The following FOXK2 variants were observed in gnomAD, a reference collection of about 807,000 sequenced individuals.
FOXK2 encodes forkhead box K2, also known as forkhead box protein K2.
Under a neutral mutation model 53.3 loss-of-function variants are expected in FOXK2, and 24 were observed. That is an observed-to-expected ratio of 0.45 (90% CI 0.33 to 0.63). The LOEUF is 0.63. FOXK2 is among the 30% of genes least tolerant of loss of function. The pLI is 0.03. For missense variants in FOXK2, 952 were observed against 910.5 expected (o/e 1.05, Z -0.59); for synonymous variants, 505 against 407.1 (o/e 1.24, Z -2.89).
chr17:82,575,904 G>A (rs1369983249), intron 4 of FOXK2, among the ~76,000 whole-genome samples: 1 of 147,314 alleles, frequency 6.8e-6, no homozygotes. Context: ...TCATCCACAC[G>A]TCCACACCAG....
At chr17:82,534,265 G>C (rs998765453) in intron 1 of FOXK2, among the ~76,000 whole-genome samples, 2 of 152,068 alleles carry the variant, frequency 1.3e-5, no homozygotes, top group East Asian at 3.9e-4. Flanking sequence ...AGAAAAGATG[G>C]CTGATATGTA....
intron 1 of FOXK2, among the ~76,000 whole-genome samples, chr17:82,539,805 A>G (rs2044557589): frequency 6.6e-6 from 1 of 150,952 alleles, no homozygotes; most frequent in South Asian, 2.1e-4. Flanking sequence ...TCTCCGTTAA[A>G]AATACAAAAA....
chr17:82,564,178 C>G (rs2044829361), intron 2 of FOXK2, among the ~76,000 whole-genome samples: 1 of 149,430 alleles, frequency 6.7e-6, no homozygotes, highest in Non-Finnish European at 1.5e-5. Context: ...ACCTCTGCCT[C>G]CCAGGTTCAA....
chr17:82,583,694 C>T (rs1377707510), intron 5 of FOXK2, among the ~76,000 whole-genome samples: 2 of 152,172 alleles, frequency 1.3e-5, no homozygotes, highest in Non-Finnish European at 2.9e-5. Context: ...TCTTAAATGC[C>T]CACGGACCTG....
chr17:82,542,141 T>C (rs1304491795), intron 1 of FOXK2, among the ~76,000 whole-genome samples: 1 of 148,156 alleles, frequency 6.7e-6, no homozygotes, highest in Non-Finnish European at 1.5e-5. Context: ...TCAGCCTCCC[T>C]CCACAAATTT....
chr17:82,570,496 A>G (rs1422114717), intron 3 of FOXK2, among the ~76,000 whole-genome samples: 1 of 152,120 alleles, frequency 6.6e-6, no homozygotes, highest in Non-Finnish European at 1.5e-5. Flanking sequence ...GTGTCCCCAG[A>G]AAAGAAAAGA....
chr17:82,559,114 G>A (rs901107779), intron 1 of FOXK2, among the ~76,000 whole-genome samples: 1 of 152,024 alleles, frequency 6.6e-6, no homozygotes, highest in African/African-American at 2.4e-5. Flanking sequence ...GGCTGGTCTC[G>A]AACTTCTGAC....
At chr17:82,598,336 C>G (rs1447812373) in intron 8 of FOXK2, among the ~76,000 whole-genome samples, 1 of 152,124 alleles carries the variant, frequency 6.6e-6, no homozygotes, top group Non-Finnish European at 1.5e-5. Flanking sequence ...CTCAAGGGAC[C>G]CGCCTGCCTC....
intron 8 of FOXK2, chr17:82,600,219 A>C (rs187865606): frequency 1.3e-5 from 2 of 152,372 alleles, no homozygotes; most frequent in African/African-American, 4.8e-5. Context: ...CGGAAGCTGG[A>C]GATGGTGGGG....
At chr17:82,524,136 C>T (rs986246203) in intron 1 of FOXK2, among the ~76,000 whole-genome samples, 1 of 152,082 alleles carries the variant, frequency 6.6e-6, no homozygotes, top group Non-Finnish European at 1.5e-5. Flanking sequence ...TGATCCGTCC[C>T]GCCTCCGCTT....
intron 4 of FOXK2, among the ~76,000 whole-genome samples, chr17:82,575,315 C>T (rs750539112): frequency 3.6e-5 from 5 of 140,362 alleles, no homozygotes; most frequent in African/African-American, 1.0e-4. Context: ...TCAGCAAACA[C>T]GCAAACACAC....
At chr17:82,546,325 C>G (rs1240110473) in intron 1 of FOXK2, among the ~76,000 whole-genome samples, 1 of 152,094 alleles carries the variant, frequency 6.6e-6, no homozygotes, top group African/African-American at 2.4e-5. Context: ...CCGTGTTGGC[C>G]AGGCTGGTCT....
chr17:82,541,059 G>A (rs2044570084), intron 1 of FOXK2, among the ~76,000 whole-genome samples: 1 of 152,054 alleles, frequency 6.6e-6, no homozygotes, highest in Non-Finnish European at 1.5e-5. Flanking sequence ...CGGTTGGAGG[G>A]TGTTTGAGAC....
At chr17:82,559,924 G>A (rs1204760680) in intron 1 of FOXK2, among the ~76,000 whole-genome samples, 1 of 150,472 alleles carries the variant, frequency 6.6e-6, no homozygotes, top group Non-Finnish European at 1.5e-5. Flanking sequence ...ATAAACAGGT[G>A]TTTGCATCTG....
intron 1 of FOXK2, among the ~76,000 whole-genome samples, chr17:82,526,963 G>C (rs556062065): frequency 7.9e-5 from 12 of 152,312 alleles, no homozygotes; most frequent in African/African-American, 2.9e-4. Context: ...GAAGAGCTGA[G>C]CAGAGCGGGT....
At position 82,563,750 on chromosome 17, in the gene FOXK2, C is replaced by CTTTTTTTTTTTTTTTTTTTTTT. The variant is rs1567975420; in HGVS notation, c.614+202_614+203insTTTTTTTTTTTTTTTTTTTTTT. On this transcript the variant is annotated intron_variant, in intron 2 of 8. Transcript: ENST00000335255. ...GTTCCTGGTTTTTATTTACTCATTC[C>CTTTTTTTTTTTTTTTTTTTTTT]CTTTTTTTTTTTTTTTTTTGAGAAG... 2.1e-5 allele frequency among the ~76,000 whole-genome samples: 2 copies of CTTTTTTTTTTTTTTTTTTTTTT among 94,616 alleles called. 1 individual carries two copies. 62.1% of individuals were successfully genotyped at this position (94,616 alleles called of 152,430 possible).
At chr17:82,540,937 G>C (rs1001424641) in intron 1 of FOXK2, among the ~76,000 whole-genome samples, 1 of 152,116 alleles carries the variant, frequency 6.6e-6, no homozygotes, top group African/African-American at 2.4e-5. Flanking sequence ...TGGCACCTTC[G>C]GGGGCTGACA....
chr17:82,528,185 T>G (rs1414216352), intron 1 of FOXK2, among the ~76,000 whole-genome samples: 1 of 152,230 alleles, frequency 6.6e-6, no homozygotes, highest in Non-Finnish European at 1.5e-5. Flanking sequence ...AGGTCCCATT[T>G]AGACCTGCGG....
At position 82,570,559 on chromosome 17, in the gene FOXK2, A is replaced by G. The variant is rs189735044; in HGVS notation, c.763-1165A>G. ...GTCAGCGCTGAACGCGGCCTGTGCT[A>G]TGGAAGCCCATGTGGGCGCCTCTGA... On this transcript the variant is annotated intron_variant, in intron 3 of 8. Coordinates refer to ENST00000335255, the MANE Select transcript of FOXK2 (RefSeq NM_004514.4). Among the ~76,000 whole-genome samples, 702 of 152,320 alleles carry G rather than the reference A, an allele frequency of 4.6e-3. 2 individuals are homozygous for G. Among genetic ancestry groups the G allele is most frequent in the Non-Finnish European group, 8.9e-3 (605 of 68,032 alleles).
Sources: gnomAD v4.1 joint callset for allele counts (sites outside exome capture counted in the v4.1 genomes callset) on GRCh38, gnomAD v4.1.1 for gene constraint, MANE v1.5 for transcripts, NCBI Gene and HGNC (gene_info 2026-07-23, HGNC 2026-07-21) for gene names.